The following UBE2E1 variants were observed in gnomAD, a reference collection of about 807,000 sequenced individuals.
UBE2E1 encodes the protein ubiquitin-conjugating enzyme E2 E1.
In UBE2E1, 6 loss-of-function variants were observed where a neutral mutation model predicts 21.4. The ratio of observed to expected loss-of-function variants is 0.28; its 90% CI spans 0.15 to 0.55. The LOEUF (loss-of-function observed/expected upper bound fraction) is 0.55, where lower values mean the gene tolerates loss of function less well. UBE2E1 is among the 20% of genes least tolerant of loss of function. The pLI is 0.93. For synonymous variants in UBE2E1, 87 were observed against 82.7 expected (o/e 1.05, Z -0.28); for missense variants, 142 against 236.5 (o/e 0.60, Z 2.62).
intron 3 of UBE2E1, among the ~76,000 whole-genome samples, chr3:23,840,657 C>T (rs181846081): frequency 1.3e-5 from 2 of 152,300 alleles, no homozygotes; most frequent in East Asian, 3.9e-4. Context: ...TGTGCGAGCT[C>T]TGGGGAGTGT....
chr3:23,878,047 T>C (rs113431006), intron 3 of UBE2E1, among the ~76,000 whole-genome samples: 107 of 152,308 alleles, frequency 7.0e-4, no homozygotes, highest in African/African-American at 1.4e-3. Context: ...CCCTACTCTT[T>C]AAAGTTTTAT....
chr3:23,843,473 C>G (rs1393231400), intron 3 of UBE2E1, among the ~76,000 whole-genome samples: 1 of 152,190 alleles, frequency 6.6e-6, no homozygotes, highest in Non-Finnish European at 1.5e-5. Context: ...TTGGCACCTA[C>G]TGCTGTTAGA....
rs1474290429 is a variant in UBE2E1, at chr3:23,855,673, CA to C, written c.204-31887del. Reference sequence around the variant, plus strand: ...TGAAACCCCGTCTCTACTAAAAATACAAAAAAATTAGCTGGGCGTGGTGGTG... The same window carrying C: ...TGAAACCCCGTCTCTACTAAAAATACAAAAAATTAGCTGGGCGTGGTGGTG... On this transcript the variant is annotated intron_variant, in intron 3 of 5. Coordinates refer to ENST00000306627, the MANE Select transcript of UBE2E1 (RefSeq NM_003341.5). Among the ~76,000 whole-genome samples the C allele has an allele frequency of 2.0e-5, 3 of 151,648 alleles. No individual in the cohort carries two copies. In the South Asian group the frequency reaches 6.2e-4, roughly 32 times the overall value.
intron 3 of UBE2E1, among the ~76,000 whole-genome samples, chr3:23,819,129 A>T (rs1006752106): frequency 4.0e-5 from 6 of 151,880 alleles, no homozygotes; most frequent in Admixed American, 3.9e-4. Flanking sequence ...TTAAAAATCC[A>T]AAAAATTAGC....
intron 3 of UBE2E1, among the ~76,000 whole-genome samples, chr3:23,854,241 C>G (rs1305206108): frequency 8.5e-6 from 1 of 117,832 alleles, no homozygotes; most frequent in Non-Finnish European, 1.7e-5. Context: ...GAGACTCAGT[C>G]TCAAAAAAAA....
chr3:23,858,699 A>T (rs1320434621), intron 3 of UBE2E1, among the ~76,000 whole-genome samples: 4 of 152,198 alleles, frequency 2.6e-5, no homozygotes, highest in Admixed American at 6.5e-5. Context: ...GCTTTCTCTT[A>T]TTCTTACCAC....
At chr3:23,859,730 C>T (rs2125312796) in intron 3 of UBE2E1, among the ~76,000 whole-genome samples, 1 of 152,332 alleles carries the variant, frequency 6.6e-6, no homozygotes, top group South Asian at 2.1e-4. Flanking sequence ...CTTGCTGTGG[C>T]TTTGCCTTAC....
chr3:23,816,661 C>G lies in UBE2E1; in HGVS notation c.203+5151C>G, dbSNP rs35390745. ...GGCGGAGCTTGCTGTGAGCAGAGAT[C>G]GCACCACTGCACTCCAGCCTGGGCA... On this transcript the variant is annotated intron_variant, in intron 3 of 5. Transcript: ENST00000306627. This position sits in a 1 kb window ranked among gnomAD's most constrained non-coding sequence, Gnocchi z 4.8. Among the ~76,000 whole-genome samples the G allele has an allele frequency of 1.3e-4, 20 of 151,934 alleles. No homozygotes were observed. Among genetic ancestry groups the G allele is most frequent in the African/African-American group, 4.1e-4 (17 of 41,424 alleles).
At chr3:23,873,379 C>T (rs182936345) in intron 3 of UBE2E1, among the ~76,000 whole-genome samples, 3 of 152,230 alleles carry the variant, frequency 2.0e-5, no homozygotes, top group South Asian at 2.1e-4. Context: ...TACAGGGAGC[C>T]GGACCTAGGA....
chr3:23,846,557 A>G (rs964227672), intron 3 of UBE2E1, among the ~76,000 whole-genome samples: 11 of 152,004 alleles, frequency 7.2e-5, no homozygotes, highest in Admixed American at 2.0e-4. Flanking sequence ...TTATCCGGGT[A>G]TGGTGGCACA....
chr3:23,887,759 G>T lies in UBE2E1; in HGVS notation c.336+60G>T. On this transcript the variant is annotated intron_variant, in intron 4 of 5. Transcript: ENST00000306627. The surrounding 1 kb of genome is among the most constrained non-coding windows in gnomAD (Gnocchi z 4.4). ...TTCCCACAAGAGAGCAACTGTTGAG[G>T]TTTTTCTAAATTTAATTTTTAATCA... 1.9e-6 allele frequency: 3 copies of T among 1,543,960 alleles called. No homozygotes were observed. The South Asian group carries it at 3.8e-5, about 19-fold the overall frequency.
chr3:23,813,457 G>A (rs541356822), intron 3 of UBE2E1, among the ~76,000 whole-genome samples: 37 of 152,194 alleles, frequency 2.4e-4, no homozygotes, highest in African/African-American at 8.2e-4. Context: ...TCGGTTTTAC[G>A]TTTTGTGCTG....
chr3:23,847,594 A>C (rs1351576912), intron 3 of UBE2E1, among the ~76,000 whole-genome samples: 2 of 143,882 alleles, frequency 1.4e-5, no homozygotes, highest in Non-Finnish European at 3.0e-5. Flanking sequence ...TCCCAGGTTC[A>C]TGCCATTCTC....
At chr3:23,833,126 C>A (rs1699904214) in intron 3 of UBE2E1, among the ~76,000 whole-genome samples, 1 of 152,150 alleles carries the variant, frequency 6.6e-6, no homozygotes, top group Admixed American at 6.5e-5. Flanking sequence ...ATTTTTGTCC[C>A]TTTTCTCCCA....
At chr3:23,830,532 A>T (rs1699845488) in intron 3 of UBE2E1, among the ~76,000 whole-genome samples, 1 of 151,278 alleles carries the variant, frequency 6.6e-6, no homozygotes, top group Admixed American at 6.6e-5. Flanking sequence ...GAGCAGTGTG[A>T]CTCAATATTG....
intron 3 of UBE2E1, among the ~76,000 whole-genome samples, chr3:23,882,526 C>T (rs773856484): frequency 1.2e-4 from 19 of 152,364 alleles, no homozygotes; most frequent in African/African-American, 2.9e-4. Flanking sequence ...CCGCACTGTG[C>T]GCCCACACTC....
rs1021598143 is a variant in UBE2E1 at position 23,889,442 on chromosome 3, A to T, written c.484+183A>T. 5 of 1,452,434 alleles carry T rather than the reference A, an allele frequency of 3.4e-6. 1 individual carries two copies. The Admixed American group carries it at 1.4e-4, about 41-fold the overall frequency. The allele number at this position is 1,452,434 out of a possible 1,614,324, so 90.0% of individuals were successfully genotyped here. ...ACTAGTTGAGACACACAACTTCATT[A>T]ATCAGTATATTCTAGCAACAAGGTA... On this transcript the variant is annotated intron_variant, in intron 5 of 5. Transcript: ENST00000306627.
At chr3:23,820,115 C>T (rs1268913142) in intron 3 of UBE2E1, among the ~76,000 whole-genome samples, 1 of 152,186 alleles carries the variant, frequency 6.6e-6, no homozygotes, top group Admixed American at 6.5e-5. Flanking sequence ...GAGTTGCTGG[C>T]ACCCGCCTGA....
At chr3:23,840,328 C>A (rs952977603) in intron 3 of UBE2E1, among the ~76,000 whole-genome samples, 1 of 152,142 alleles carries the variant, frequency 6.6e-6, no homozygotes, top group African/African-American at 2.4e-5. Flanking sequence ...CCTGCACATG[C>A]GTGATAATTT....
Sources: gnomAD v4.1 joint callset for allele counts (sites outside exome capture counted in the v4.1 genomes callset) on GRCh38, gnomAD v4.1.1 for gene constraint, Gnocchi (gnomAD v3.1) non-coding constraint, MANE v1.5 for transcripts, NCBI Gene and HGNC (gene_info 2026-07-23, HGNC 2026-07-21) for gene names.